Variants in MBD5 observed in about 807,000 individuals in gnomAD.
MBD5 encodes methyl-CpG binding domain protein 5.
In MBD5, 13 loss-of-function variants were observed where a neutral mutation model predicts 117.3. The observed-to-expected ratio is 0.11, with a 90% CI of 0.07 to 0.18. MBD5 has a LOEUF of 0.18. Among genes scored for constraint, MBD5 ranks in the 10% least tolerant of loss-of-function variants. The probability of loss-of-function intolerance (pLI) is 1.00; values close to 1 mark genes in which losing one functional copy is unlikely to be tolerated. For synonymous variants in MBD5, 727 were observed against 766.4 expected (o/e 0.95, Z 0.85); for missense variants, 1,879 against 2,093.8 (o/e 0.90, Z 2.00).
rs181031850 is a variant in MBD5 at position 148,335,279 on chromosome 2, G to A, written c.-679-6935G>A. On this transcript the variant is annotated intron_variant, in intron 3 of 13. Coordinates refer to ENST00000642680, the MANE Select transcript of MBD5 (RefSeq NM_001378120.1). ...GCCTGTAGTCCCAGCTACTCAGGAG[G>A]CTTAGGTGAGAGGGTGGCTTGAGCC... is the stretch of plus-strand genomic sequence containing the variant. 8.7e-4 allele frequency among the ~76,000 whole-genome samples: 132 copies of A among 152,210 alleles called. 1 individual carries two copies. The highest frequency in any genetic ancestry group is 3.0e-3 in the African/African-American group (123 of 41,528).
At chr2:148,426,618 G>A (rs1189548614) in intron 4 of MBD5, among the ~76,000 whole-genome samples, 8 of 152,080 alleles carry the variant, frequency 5.3e-5, no homozygotes, top group East Asian at 3.9e-4. Context: ...GCTGAAACTG[G>A]ATCCCTTCCT....
Position 148,470,034 on chromosome 2 carries a change from C to T in MBD5, c.2091C>T (p.Pro697=). The change falls in exon 8 of 14, where the codon CCC becomes CCT. Residue 697 remains proline (P), a synonymous_variant. Transcript: ENST00000642680. ...GGAAGCAGGGTCAGGGTTCATTTCC[C>T]ATCAGTTCAATGTCTCAGTTACTAC... is the stretch of plus-strand genomic sequence containing the variant. ...LLRKQGQGSF[P]ISSMSQLLQS... 1 of 1,613,828 alleles carries T rather than the reference C, an allele frequency of 6.2e-7. No individual in the cohort carries two copies. The highest frequency in any genetic ancestry group is 8.5e-7 in the Non-Finnish European group (1 of 1,179,856).
intron 3 of MBD5, among the ~76,000 whole-genome samples, chr2:148,329,823 T>C (rs1027208437): frequency 1.3e-5 from 2 of 152,150 alleles, no homozygotes; most frequent in African/African-American, 4.8e-5. Flanking sequence ...TTATAAAAAT[T>C]ATTTGTAACT....
chr2:148,226,768 G>T (rs1399232586), intron 2 of MBD5, among the ~76,000 whole-genome samples: 1 of 152,160 alleles, frequency 6.6e-6, no homozygotes, highest in Admixed American at 6.5e-5. Flanking sequence ...ATCCTCTCCA[G>T]CACCTGTTGT....
In MBD5 at chr2:148,483,036, C is replaced by G. The variant is rs751658971; in HGVS notation, c.2519-74C>G. 5 of 1,498,512 alleles carry G rather than the reference C, an allele frequency of 3.3e-6. No individual in the cohort carries two copies. The Admixed American group carries it at 9.2e-5, about 27-fold the overall frequency. The allele number at this position is 1,498,512 out of a possible 1,614,324, so 92.8% of individuals were successfully genotyped here. A position where few individuals can be genotyped will look rare whatever the true frequency, so the allele number is the denominator to read the frequency against. On this transcript the variant is annotated intron_variant, in intron 8 of 13. Transcript: ENST00000642680. ...AAATAAATTTAAATTTATGTTAATG[C>G]ATTTTTATGCCTAGTCTCACATAAC...
intron 4 of MBD5, among the ~76,000 whole-genome samples, chr2:148,415,148 T>A (rs1705379755): frequency 6.6e-6 from 1 of 152,220 alleles, no homozygotes; most frequent in Non-Finnish European, 1.5e-5. Context: ...GGACCTCTTG[T>A]AAGGCAGATG....
At chr2:148,273,263 A>G (rs528426095) in intron 3 of MBD5, among the ~76,000 whole-genome samples, 1 of 152,262 alleles carries the variant, frequency 6.6e-6, no homozygotes, top group South Asian at 2.1e-4. Flanking sequence ...TAACTTTAAA[A>G]CAAAGATGAT....
chr2:148,317,003 A>G (rs538285775), intron 3 of MBD5, among the ~76,000 whole-genome samples: 99 of 152,306 alleles, frequency 6.5e-4, no homozygotes, highest in Non-Finnish European at 1.1e-3. Flanking sequence ...ACTTGAAAGC[A>G]TAGACAATTT....
At chr2:148,417,669 T>G (rs1705464310) in intron 4 of MBD5, among the ~76,000 whole-genome samples, 1 of 152,196 alleles carries the variant, frequency 6.6e-6, no homozygotes, top group Non-Finnish European at 1.5e-5. Context: ...GGTAAGATGT[T>G]ATCTCATTGT....
intron 1 of MBD5, among the ~76,000 whole-genome samples, chr2:148,147,457 G>A (rs919933957): frequency 1.3e-5 from 2 of 151,692 alleles, no homozygotes; most frequent in Non-Finnish European, 2.9e-5. Flanking sequence ...GGCCAGGCTG[G>A]TCTCAAACTC....
At chr2:148,492,050 A>G (rs1315857833) in intron 11 of MBD5, among the ~76,000 whole-genome samples, 1 of 151,920 alleles carries the variant, frequency 6.6e-6, no homozygotes, top group Non-Finnish European at 1.5e-5. Context: ...TTATGCCCTT[A>G]GGAGAATAAA....
chr2:148,202,545 G>T (rs1699170929), intron 2 of MBD5, among the ~76,000 whole-genome samples: 1 of 152,150 alleles, frequency 6.6e-6, no homozygotes, highest in Admixed American at 6.5e-5. Context: ...TACAAGGCCA[G>T]AAATGTAAGG....
intron 1 of MBD5, among the ~76,000 whole-genome samples, chr2:148,051,033 T>C (rs1222616932): frequency 5.3e-5 from 8 of 152,184 alleles, no homozygotes; most frequent in African/African-American, 1.7e-4. Flanking sequence ...ATCTTAACAG[T>C]AGTAACTCTT....
intron 1 of MBD5, among the ~76,000 whole-genome samples, chr2:148,115,631 A>G (rs1364230799): frequency 1.3e-5 from 2 of 152,112 alleles, no homozygotes; most frequent in Non-Finnish European, 2.9e-5. Flanking sequence ...AATTTTGCAT[A>G]CTAAGAATAG....
At chr2:148,167,599 G>C (rs371365718) in intron 1 of MBD5, among the ~76,000 whole-genome samples, 1 of 152,064 alleles carries the variant, frequency 6.6e-6, no homozygotes, top group African/African-American at 2.4e-5. Flanking sequence ...TCTTGGAATG[G>C]TAGTGTCTTG....
At position 148,490,023 on chromosome 2, in the gene MBD5, C is replaced by T; in HGVS notation, c.4391C>T (p.Pro1464Leu). The change falls in exon 11 of 14, where the codon CCC becomes CTC. Residue 1464 changes from proline (P) to leucine (L), a missense_variant. Physicochemically the swap from Pro to Leu is moderately conservative, Grantham distance 98 (BLOSUM62 -3). This residue lies in a region of MBD5 where 1,666 missense variants were observed against 1,792.2 expected (regional missense o/e 0.93). Transcript: ENST00000642680. ...HIHSSPCHER[P>L]NNVSTLPFLP... ...CACAGTAGTCCTTGTCATGAAAGGCCCAACAATGTCTCTACACTGCCATTT... is the reference window on the plus strand; with the variant it reads ...CACAGTAGTCCTTGTCATGAAAGGCTCAACAATGTCTCTACACTGCCATTT... 6.2e-7 allele frequency: 1 copy of T among 1,613,484 alleles called. No homozygotes were observed. The highest frequency in any genetic ancestry group is 8.5e-7 in the Non-Finnish European group (1 of 1,179,882).
At chr2:148,326,408 G>A (rs908113550) in intron 3 of MBD5, among the ~76,000 whole-genome samples, 75 of 152,056 alleles carry the variant, frequency 4.9e-4, no homozygotes, top group African/African-American at 1.5e-3. Context: ...TTTCTGTCTC[G>A]TTGATCTGTC....
chr2:148,434,109 C>T (rs1706079733), intron 4 of MBD5, among the ~76,000 whole-genome samples: 1 of 151,838 alleles, frequency 6.6e-6, no homozygotes, highest in Admixed American at 6.6e-5. Flanking sequence ...CACCCTGGTT[C>T]AGTCTTGGGA....
At chr2:148,375,865 A>G (rs1229404026) in intron 4 of MBD5, among the ~76,000 whole-genome samples, 1 of 151,814 alleles carries the variant, frequency 6.6e-6, no homozygotes, top group Non-Finnish European at 1.5e-5. Flanking sequence ...AATCACTCCC[A>G]CCAAATGTTA....
Sources: gnomAD v4.1 joint callset for allele counts (sites outside exome capture counted in the v4.1 genomes callset) on GRCh38, gnomAD v4.1.1 for gene constraint, gnomAD v4.1.1 regional missense constraint, MANE v1.5 for transcripts, NCBI Gene and HGNC (gene_info 2026-07-23, HGNC 2026-07-21) for gene names.